The following COL22A1 variants were observed in gnomAD, a reference collection of about 807,000 sequenced individuals.
COL22A1 encodes the protein collagen alpha-1(XXII) chain.
Under a neutral mutation model 248.9 loss-of-function variants are expected in COL22A1, and 221 were observed. The ratio of observed to expected loss-of-function variants is 0.89; its 90% CI spans 0.80 to 0.99. The LOEUF (loss-of-function observed/expected upper bound fraction) is 0.99, where lower values mean the gene tolerates loss of function less well. COL22A1 is among the 50% of genes least tolerant of loss of function. The pLI, the probability that COL22A1 is intolerant of heterozygous loss-of-function variation, is 0.00. For missense variants in COL22A1, 2,240 were observed against 2,179.0 expected (o/e 1.03, Z -0.56); for synonymous variants, 891 against 793.4 (o/e 1.12, Z -2.07).
intron 21 of COL22A1, among the ~76,000 whole-genome samples, chr8:138,752,366 C>T (rs1449194812): frequency 6.6e-6 from 1 of 152,216 alleles, no homozygotes; most frequent in Non-Finnish European, 1.5e-5. Flanking sequence ...AATTATCATA[C>T]TAATAGCTAC....
At chr8:138,692,308 ATGTGTG>A (rs1234821057) in intron 35 of COL22A1, among the ~76,000 whole-genome samples, 1 of 2,756 alleles carries the variant, frequency 3.6e-4, no homozygotes, top group Non-Finnish European at 7.0e-4. Context: ...GCGGAGGTGT[ATGTGTG>A]TGCATGCGTG....
chr8:138,873,920 T>C (rs75500747), intron 3 of COL22A1, among the ~76,000 whole-genome samples: 115 of 152,344 alleles, frequency 7.5e-4, no homozygotes, highest in African/African-American at 2.6e-3. Context: ...CTGATATTTT[T>C]AGTCTACCAT....
intron 52 of COL22A1, among the ~76,000 whole-genome samples, chr8:138,621,391 G>T (rs1819790483): frequency 6.6e-6 from 1 of 152,192 alleles, no homozygotes; most frequent in Non-Finnish European, 1.5e-5. Flanking sequence ...TTGCCAGCCT[G>T]CCTTTCCTTC....
chr8:138,876,128 C>A (rs1263634563), intron 3 of COL22A1, among the ~76,000 whole-genome samples: 1 of 152,128 alleles, frequency 6.6e-6, no homozygotes, highest in African/African-American at 2.4e-5. Flanking sequence ...TTATGGGGAC[C>A]CTGACAATCT....
chr8:138,850,070 C>T (rs774276842), intron 3 of COL22A1, among the ~76,000 whole-genome samples: 3 of 152,166 alleles, frequency 2.0e-5, no homozygotes, highest in African/African-American at 7.2e-5. Flanking sequence ...CATCTCAGGG[C>T]CATGGTGTGC....
rs193030528 is a variant in COL22A1 at position 138,878,871 on chromosome 8, G to A, written c.92-555C>T. Among the ~76,000 whole-genome samples the A allele has an allele frequency of 7.9e-5, 12 of 152,212 alleles. No individual in the cohort carries two copies. In the East Asian group the frequency reaches 2.3e-3, roughly 30 times the overall value. ...AAAATACAAAAAATTAGCCAGCAGA[G>A]GTGGTGGGCGCCTATAGTCCCAGCT... On this transcript the variant is annotated intron_variant, in intron 2 of 64. Transcript: ENST00000303045.
In COL22A1 at chr8:138,636,775, A is replaced by G; in HGVS notation, c.3522T>C (p.Gly1174=). ...AGPQGSQGER[G]ADGEVGQKGD... is the part of the protein sequence containing the mutation. ...CTTTCTGCCCAACCTCACCATCTGC[A>G]CCACGTTCTCCTTGACTTCCCTTGA... Residue 1174 remains glycine (G), a synonymous_variant, in exon 48 of 65, where the codon GGT becomes GGC. Coordinates refer to ENST00000303045, the MANE Select transcript of COL22A1 (RefSeq NM_152888.3). The G allele has an allele frequency of 2.5e-6, 4 of 1,613,642 alleles. No individual in the cohort carries two copies. Among genetic ancestry groups the G allele is most frequent in the Non-Finnish European group, 3.4e-6 (4 of 1,179,626 alleles).
Position 138,663,744 on chromosome 8 carries a change from G to C in COL22A1, c.3151-4C>G. 6.2e-7 allele frequency: 1 copy of C among 1,608,896 alleles called. No individual in the cohort carries two copies. Among genetic ancestry groups the C allele is most frequent in the Non-Finnish European group, 8.5e-7 (1 of 1,175,358 alleles). On this transcript the variant is annotated splice_polypyrimidine_tract_variant and splice_region_variant and intron_variant, in intron 41 of 64. Transcript: ENST00000303045. Reference sequence around the variant, plus strand: ...CTCCTGGTGGTCCGGAAGGGCCCTAGAAACAAACAAACAAGTATGTAAGCA... The same window carrying C: ...CTCCTGGTGGTCCGGAAGGGCCCTACAAACAAACAAACAAGTATGTAAGCA...
intron 32 of COL22A1, 62 bp from the exon 33 acceptor site, chr8:138,694,941 A>T: frequency 6.5e-7 from 1 of 1,538,152 alleles, no homozygotes; most frequent in Non-Finnish European, 8.9e-7. Context: ...GTCACAGGGT[A>T]CATGTCCCCA....
intron 63 of COL22A1, among the ~76,000 whole-genome samples, chr8:138,593,406 T>C (rs1345503315): frequency 6.6e-6 from 1 of 152,196 alleles, no homozygotes; most frequent in Non-Finnish European, 1.5e-5. Context: ...AAAAAACCTT[T>C]TGTTAAAAAA....
intron 7 of COL22A1, among the ~76,000 whole-genome samples, chr8:138,818,932 C>T (rs562628214): frequency 6.6e-6 from 1 of 152,216 alleles, no homozygotes; most frequent in South Asian, 2.1e-4. Flanking sequence ...GCCTGGAAAA[C>T]ATGAACAGTG....
chr8:138,665,181 G>A (rs1005171595), intron 41 of COL22A1, among the ~76,000 whole-genome samples: 3 of 152,180 alleles, frequency 2.0e-5, no homozygotes, highest in African/African-American at 7.2e-5. Flanking sequence ...CAGAGGTCTA[G>A]AGAAAGAGAC....
intron 4 of COL22A1, among the ~76,000 whole-genome samples, chr8:138,841,280 A>G (rs2131855895): frequency 6.6e-6 from 1 of 152,376 alleles, no homozygotes; most frequent in Non-Finnish European, 1.5e-5. Context: ...GCCCAAGTAT[A>G]AACAAGTCCT....
chr8:138,777,399 G>A (rs1307797546), intron 15 of COL22A1, among the ~76,000 whole-genome samples: 1 of 152,156 alleles, frequency 6.6e-6, no homozygotes, highest in Non-Finnish European at 1.5e-5. Context: ...GGTCTTCAAT[G>A]TCTCCCTGGC....
chr8:138,715,452 C>T (rs1042988104), intron 30 of COL22A1, among the ~76,000 whole-genome samples: 5 of 151,578 alleles, frequency 3.3e-5, no homozygotes, highest in African/African-American at 1.2e-4. Flanking sequence ...GCCTGTAATC[C>T]CAGCTACTTG....
intron 3 of COL22A1, among the ~76,000 whole-genome samples, chr8:138,844,620 CA>C (rs1260558093): frequency 1.3e-5 from 2 of 152,106 alleles, no homozygotes; most frequent in Non-Finnish European, 2.9e-5. Flanking sequence ...GACAAAAGAC[CA>C]AAAGGTGATA....
chr8:138,901,358 G>GGTTTT (rs1554660859), intron 1 of COL22A1, among the ~76,000 whole-genome samples: 2 of 131,514 alleles, frequency 1.5e-5, no homozygotes, highest in Non-Finnish European at 3.1e-5. Flanking sequence ...TTACTGGCAG[G>GGTTTT]TTTTTTTTTT....
chr8:138,623,262 ATGTGTGTGTGTGTG>A (rs5895542), intron 52 of COL22A1, among the ~76,000 whole-genome samples: 5,918 of 143,528 alleles, frequency 0.041, 141 homozygotes, highest in South Asian at 0.08. Context: ...ATATATATTT[ATGTGTGTGTGTGTG>A]TGTGTGTGTG....
chr8:138,898,899 T>C (rs1368746016), intron 1 of COL22A1, among the ~76,000 whole-genome samples: 1 of 152,158 alleles, frequency 6.6e-6, no homozygotes, highest in Admixed American at 6.5e-5. Context: ...CTAAATTCCC[T>C]ATGAGGAAGC....
Sources: gnomAD v4.1 joint callset for allele counts (sites outside exome capture counted in the v4.1 genomes callset) on GRCh38, gnomAD v4.1.1 for gene constraint, MANE v1.5 for transcripts, NCBI Gene and HGNC (gene_info 2026-07-23, HGNC 2026-07-21) for gene names.